Variants in TPRG1 observed in about 807,000 individuals in gnomAD.
The protein encoded by TPRG1 is tumor protein p63-regulated gene 1 protein.
In TPRG1, 29 loss-of-function variants were observed where a neutral mutation model predicts 29.3. That is an observed-to-expected ratio of 0.99 (90% CI 0.74 to 1.35). The LOEUF (loss-of-function observed/expected upper bound fraction) is 1.35. Ranked by LOEUF, TPRG1 falls within the 40% of genes most tolerant of loss-of-function variation. TPRG1 has a pLI of 0.00. For missense variants in TPRG1, 327 were observed against 335.0 expected (o/e 0.98, Z 0.19); for synonymous variants, 130 against 116.8 (o/e 1.11, Z -0.73).
rs764343848 is a variant in TPRG1 at position 189,238,840 on chromosome 3, G to A, written c.410G>A (p.Arg137Gln). 1.7e-5 allele frequency: 28 copies of A among 1,613,602 alleles called. No individual in the cohort carries two copies. Among genetic ancestry groups the A allele is most frequent in the South Asian group, 3.3e-5 (3 of 91,060 alleles). ...FIMLSCVQLQ[R>Q]IPLSAVYRIC... The stretch of plus-strand genomic sequence containing the variant: ...ATGCTGAGTTGTGTGCAGCTGCAGC[G>A]GATTCCTCTGAGCGCTGTCTATCGC... Residue 137 changes from arginine to glutamine, a missense_variant, in exon 4 of 6, where the codon CGG becomes CAG. Coordinates refer to ENST00000345063, the MANE Select transcript of TPRG1 (RefSeq NM_198485.4).
chr3:189,259,686 T>C (rs1712649643), intron 4 of TPRG1, among the ~76,000 whole-genome samples: 1 of 151,942 alleles, frequency 6.6e-6, no homozygotes, highest in East Asian at 1.9e-4. Flanking sequence ...GCCAGGCTGG[T>C]CTCAAACTCC....
At chr3:189,085,079 G>A (rs182855890) in intron 4 of TPRG1, among the ~76,000 whole-genome samples, 20 of 152,296 alleles carry the variant, frequency 1.3e-4, no homozygotes, top group Non-Finnish European at 2.8e-4. Flanking sequence ...ATGAGGACAC[G>A]TAGATTGAGT....
At chr3:189,316,390 G>A (rs147682259) in intron 5 of TPRG1, among the ~76,000 whole-genome samples, 4 of 152,168 alleles carry the variant, frequency 2.6e-5, no homozygotes, top group Non-Finnish European at 5.9e-5. Context: ...TCTATGACAG[G>A]AGACTTGGAG....
At chr3:189,050,913 C>T (rs1290438411) in intron 4 of TPRG1, among the ~76,000 whole-genome samples, 5 of 152,044 alleles carry the variant, frequency 3.3e-5, no homozygotes, top group Admixed American at 6.5e-5. Flanking sequence ...TCAGCAAAAT[C>T]GGCATGCAAG....
At chr3:189,016,262 C>T (rs1342533030) in intron 3 of TPRG1, among the ~76,000 whole-genome samples, 2 of 152,080 alleles carry the variant, frequency 1.3e-5, no homozygotes, top group African/African-American at 4.8e-5. Context: ...TGCTTGGGGC[C>T]TGTAGCACCT....
At position 189,053,827 on chromosome 3, in the gene TPRG1, G is replaced by A. The variant is rs116111325; in HGVS notation, c.-463+29881G>A. Among the ~76,000 whole-genome samples the A allele has an allele frequency of 3.9e-3, 591 of 152,312 alleles. 5 individuals are homozygous for A. The highest frequency in any genetic ancestry group is 0.013 in the African/African-American group (546 of 41,562). ...TGGACCCTTGTGTTTTGGTAACAAG[G>A]AGAGTTAGGTCATCGCCCTGGATTA... is the stretch of plus-strand genomic sequence containing the variant. On this transcript the variant is annotated intron_variant, in intron 4 of 10. Coordinates refer to the TPRG1 transcript ENST00000433971.
At chr3:189,112,851 C>CAG (rs1720705455) in intron 1 of TPRG1, among the ~76,000 whole-genome samples, 1 of 152,026 alleles carries the variant, frequency 6.6e-6, no homozygotes, top group Non-Finnish European at 1.5e-5. Context: ...TTTGACTTGG[C>CAG]GTTGCAGGCT....
intron 1 of TPRG1, among the ~76,000 whole-genome samples, chr3:189,110,392 T>C (rs1578386482): frequency 6.6e-6 from 1 of 152,314 alleles, no homozygotes; most frequent in African/African-American, 2.4e-5. Context: ...CACTTTTAAA[T>C]TGGTTTGTAA....
chr3:189,129,991 G>C (rs1351008455), intron 2 of TPRG1, among the ~76,000 whole-genome samples: 1 of 152,094 alleles, frequency 6.6e-6, no homozygotes, highest in African/African-American at 2.4e-5. Context: ...TTCATAAGAG[G>C]GATAATAAAA....
chr3:189,232,156 CT>C (rs1246483473), intron 3 of TPRG1, among the ~76,000 whole-genome samples: 10 of 152,094 alleles, frequency 6.6e-5, no homozygotes, highest in Non-Finnish European at 1.0e-4. Flanking sequence ...GAAAAAGTAG[CT>C]TTTAAGGGAT....
At chr3:189,037,619 A>T (rs1714356495) in intron 4 of TPRG1, among the ~76,000 whole-genome samples, 1 of 151,854 alleles carries the variant, frequency 6.6e-6, no homozygotes, top group Non-Finnish European at 1.5e-5. Context: ...AGTGGGACAT[A>T]ACCAAATATA....
At chr3:189,110,827 C>G (rs1294690574) in intron 1 of TPRG1, among the ~76,000 whole-genome samples, 1 of 151,832 alleles carries the variant, frequency 6.6e-6, no homozygotes, top group African/African-American at 2.4e-5. Context: ...ACTACCCTTT[C>G]TTTACTGAAT....
At chr3:189,291,027 G>C (rs1396405075) in intron 4 of TPRG1, among the ~76,000 whole-genome samples, 1 of 151,930 alleles carries the variant, frequency 6.6e-6, no homozygotes, top group African/African-American at 2.4e-5. Context: ...TCAGCCTCCC[G>C]AGTAGCTGGG....
chr3:189,282,267 GTGGAT>G (rs1167398007), intron 4 of TPRG1, among the ~76,000 whole-genome samples: 6 of 150,366 alleles, frequency 4.0e-5, no homozygotes, highest in Admixed American at 4.0e-4. Context: ...TTAGGCATCA[GTGGAT>G]AACATGGTGT....
At position 189,060,397 on chromosome 3, in the gene TPRG1, C is replaced by T. The variant is rs1015739366; in HGVS notation, c.-463+36451C>T. Among the ~76,000 whole-genome samples, 3 of 152,258 alleles carry T rather than the reference C, an allele frequency of 2.0e-5. No individual in the cohort carries two copies. The South Asian group carries it at 6.2e-4, about 32-fold the overall frequency. The stretch of plus-strand genomic sequence containing the variant: ...AAAACTGACACAAGACAAGTATGCC[C>T]TCTCTCACCACTCCTTTTCAACATA... On this transcript the variant is annotated intron_variant, in intron 4 of 10. Transcript: ENST00000433971.
At chr3:189,110,766 T>C (rs1720413776) in intron 1 of TPRG1, among the ~76,000 whole-genome samples, 2 of 152,024 alleles carry the variant, frequency 1.3e-5, no homozygotes, top group African/African-American at 4.8e-5. Context: ...GGTATTTTGT[T>C]TTGCTTTGTG....
intron 4 of TPRG1, among the ~76,000 whole-genome samples, chr3:189,035,504 A>G (rs1333798025): frequency 4.6e-5 from 7 of 152,194 alleles, no homozygotes; most frequent in Admixed American, 4.6e-4. Flanking sequence ...GGCATCATAC[A>G]GAATGGGAGA....
At chr3:189,141,513 A>G (rs1578507211) in intron 3 of TPRG1, among the ~76,000 whole-genome samples, 1 of 152,146 alleles carries the variant, frequency 6.6e-6, no homozygotes, top group South Asian at 2.1e-4. Context: ...CAAGTGCAGG[A>G]TGCTGTGGGG....
intron 4 of TPRG1, among the ~76,000 whole-genome samples, chr3:189,078,063 T>TTC (rs1717312253): frequency 2.0e-5 from 2 of 101,200 alleles, no homozygotes; most frequent in African/African-American, 3.9e-5. Context: ...TTCCTTCCTT[T>TTC]CTCTCCTTTC....
Sources: gnomAD v4.1 joint callset for allele counts (sites outside exome capture counted in the v4.1 genomes callset) on GRCh38, gnomAD v4.1.1 for gene constraint, MANE v1.5 for transcripts, NCBI Gene and HGNC (gene_info 2026-07-23, HGNC 2026-07-21) for gene names.